Variants in ANAPC10 observed in about 807,000 individuals in gnomAD.
The protein encoded by ANAPC10 is anaphase promoting complex subunit 10, also known as anaphase-promoting complex subunit 10.
Under a neutral mutation model 22.0 loss-of-function variants are expected in ANAPC10, and 12 were observed. That is an observed-to-expected ratio of 0.55 (90% CI 0.35 to 0.88). The LOEUF (loss-of-function observed/expected upper bound fraction) is 0.88. Among genes scored for constraint, ANAPC10 ranks in the 40% least tolerant of loss-of-function variants. The pLI, the probability that ANAPC10 is intolerant of heterozygous loss-of-function variation, is 0.01. For missense variants in ANAPC10, 188 were observed against 220.9 expected (o/e 0.85, Z 0.94); for synonymous variants, 65 against 69.5 (o/e 0.94, Z 0.32).
chr4:145,010,871 G>A (rs1734192346), intron 4 of ANAPC10, among the ~76,000 whole-genome samples: 1 of 151,640 alleles, frequency 6.6e-6, no homozygotes, highest in Non-Finnish European at 1.5e-5. Context: ...TAAAAGGAGA[G>A]GTATATGGGG....
At chr4:145,017,140 G>C (rs1010301070) in intron 4 of ANAPC10, among the ~76,000 whole-genome samples, 27 of 152,248 alleles carry the variant, frequency 1.8e-4, no homozygotes, top group Non-Finnish European at 3.2e-4. Flanking sequence ...TTAAACTAAA[G>C]AGCTTCTGCA....
chr4:145,072,609 G>A (rs772651181), intron 3 of ANAPC10, among the ~76,000 whole-genome samples: 16 of 152,110 alleles, frequency 1.1e-4, no homozygotes, highest in Non-Finnish European at 2.2e-4. Flanking sequence ...TATAATAGAG[G>A]TAGGAAAGTT....
At position 145,011,780 on chromosome 4, in the gene ANAPC10, C is replaced by A. The variant is rs1734353117; in HGVS notation, c.328-16177G>T. Among the ~76,000 whole-genome samples the A allele has an allele frequency of 2.0e-5, 3 of 152,002 alleles. 1 individual carries two copies. Among genetic ancestry groups the A allele is most frequent in the South Asian group, 4.1e-4 (2 of 4,822 alleles). ...AATATTTGCCACATTCTGAAGTTGCCTAGGATAGGTTGCTGAAAGGTTAAG... is the reference window on the plus strand; with the variant it reads ...AATATTTGCCACATTCTGAAGTTGCATAGGATAGGTTGCTGAAAGGTTAAG... On this transcript the variant is annotated intron_variant, in intron 4 of 4. Coordinates refer to ENST00000507656, the MANE Select transcript of ANAPC10 (RefSeq NM_001256706.2).
intron 4 of ANAPC10, among the ~76,000 whole-genome samples, chr4:145,007,245 GAC>G (rs1733525940): frequency 6.6e-6 from 1 of 151,912 alleles, no homozygotes; most frequent in Admixed American, 6.6e-5. Context: ...ACAGAAGGTT[GAC>G]AAGGATATTC....
intron 4 of ANAPC10, among the ~76,000 whole-genome samples, chr4:145,040,618 T>C (rs1331300630): frequency 2.0e-5 from 3 of 152,184 alleles, no homozygotes; most frequent in East Asian, 3.8e-4. Context: ...CTGAAGTTCA[T>C]AGAAAGGTTA....
At chr4:145,032,499 G>A (rs1005445073) in intron 4 of ANAPC10, among the ~76,000 whole-genome samples, 10 of 152,142 alleles carry the variant, frequency 6.6e-5, no homozygotes, top group East Asian at 3.8e-4. Flanking sequence ...ATGAGTGCTC[G>A]CCAACAAGTG....
intron 4 of ANAPC10, among the ~76,000 whole-genome samples, chr4:145,058,956 A>C (rs1742474981): frequency 6.6e-6 from 1 of 152,172 alleles, no homozygotes; most frequent in East Asian, 1.9e-4. Context: ...TTCAAAGATG[A>C]ACTAAAGTTA....
Position 145,095,973 on chromosome 4 carries a change from G to A in ANAPC10, c.115+12C>T. 2 of 1,613,968 alleles carry A rather than the reference G, an allele frequency of 1.2e-6. No homozygotes were observed. The highest frequency in any genetic ancestry group is 1.7e-6 in the Non-Finnish European group (2 of 1,179,914). On this transcript the variant is annotated intron_variant, in intron 2 of 4. Transcript: ENST00000507656. ...ACTATTTCCAACAGCTTTTTTGTTT[G>A]TTAGTTTTTACCTGGTTTGCAAGAT...
chr4:145,037,040 A>G (rs3096531), intron 4 of ANAPC10, among the ~76,000 whole-genome samples: 32,270 of 83,498 alleles, frequency 0.39, 4,024 homozygotes, highest in Non-Finnish European at 0.42. Flanking sequence ...GTGTGTGTGT[A>G]TGTGTGTGCA....
intron 4 of ANAPC10, among the ~76,000 whole-genome samples, chr4:145,013,149 T>A (rs766709460): frequency 1.7e-4 from 26 of 152,162 alleles, no homozygotes; most frequent in Admixed American, 2.6e-4. Flanking sequence ...TTACAAATTA[T>A]CCAGCCTCAA....
chr4:145,071,926 G>A (rs1744543118), intron 3 of ANAPC10, among the ~76,000 whole-genome samples: 1 of 151,900 alleles, frequency 6.6e-6, no homozygotes, highest in Non-Finnish European at 1.5e-5. Flanking sequence ...GGCAATTACA[G>A]ACTTTCCTTC....
intron 3 of ANAPC10, among the ~76,000 whole-genome samples, chr4:145,075,623 C>T (rs572945203): frequency 6.6e-6 from 1 of 152,256 alleles, no homozygotes; most frequent in African/African-American, 2.4e-5. Flanking sequence ...TTGCTGAGCA[C>T]CAGGACTCAT....
At chr4:145,002,032 T>G (rs767482042) in intron 4 of ANAPC10, among the ~76,000 whole-genome samples, 1 of 152,226 alleles carries the variant, frequency 6.6e-6, no homozygotes, top group Non-Finnish European at 1.5e-5. Context: ...AACTACTTGA[T>G]AGTTGCTTCA....
intron 2 of ANAPC10, 52 bp downstream of exon 2, chr4:145,095,933 A>C (rs1354199736): frequency 6.2e-7 from 1 of 1,612,830 alleles, no homozygotes; most frequent in African/African-American, 1.3e-5. Flanking sequence ...TGCCTGTACA[A>C]GGAAACTGCA....
rs1185116520 is a variant in ANAPC10 at position 145,021,794 on chromosome 4, A to G, written c.328-26191T>C. ...CATCTGAAAATGGACTAATATCCAG[A>G]ATCTACAATGAACTCAATCAAATCA... On this transcript the variant is annotated intron_variant, in intron 4 of 4. Coordinates refer to ENST00000507656, the MANE Select transcript of ANAPC10 (RefSeq NM_001256706.2). Among the ~76,000 whole-genome samples, 7 of 152,216 alleles carry G rather than the reference A, an allele frequency of 4.6e-5. No individual in the cohort carries two copies. In the East Asian group the frequency reaches 1.3e-3, roughly 29 times the overall value.
chr4:145,089,196 C>T (rs1747318718), intron 2 of ANAPC10, among the ~76,000 whole-genome samples: 1 of 152,100 alleles, frequency 6.6e-6, no homozygotes, highest in African/African-American at 2.4e-5. Flanking sequence ...AACTCAAAGG[C>T]CATAATTGTC....
intron 4 of ANAPC10, among the ~76,000 whole-genome samples, chr4:145,001,027 C>T (rs957672530): frequency 3.9e-5 from 6 of 152,062 alleles, no homozygotes; most frequent in South Asian, 4.2e-4. Context: ...CACCCCGGGG[C>T]CTGTCGTAGG....
intron 2 of ANAPC10, among the ~76,000 whole-genome samples, chr4:145,086,844 C>T (rs1366760969): frequency 7.3e-5 from 11 of 151,582 alleles, no homozygotes; most frequent in African/African-American, 2.7e-4. Context: ...TAAAAGCATC[C>T]CCTGGTGAGA....
chr4:145,022,609 A>G (rs1243865367), intron 4 of ANAPC10, among the ~76,000 whole-genome samples: 2 of 152,010 alleles, frequency 1.3e-5, no homozygotes, highest in Non-Finnish European at 2.9e-5. Flanking sequence ...TAAAGAACTT[A>G]CACATGTAAC....
Sources: allele counts gnomAD v4.1 joint callset (sites outside exome capture counted in the v4.1 genomes callset), GRCh38; gene constraint gnomAD v4.1.1; transcripts MANE v1.5; gene names NCBI Gene and HGNC (gene_info 2026-07-23, HGNC 2026-07-21).